Variants in TNRC6B observed in about 807,000 individuals in gnomAD.
The protein encoded by TNRC6B is trinucleotide repeat-containing gene 6B protein.
Under a neutral mutation model 203.6 loss-of-function variants are expected in TNRC6B, and 52 were observed. The ratio of observed to expected loss-of-function variants is 0.26; its 90% confidence interval spans 0.20 to 0.32. TNRC6B has a LOEUF of 0.32. Ranked by LOEUF, TNRC6B falls within the 10% of genes least tolerant of loss-of-function variation. The pLI, the probability that TNRC6B is intolerant of heterozygous loss-of-function variation, is 1.00. For synonymous variants in TNRC6B, 838 were observed against 845.7 expected (o/e 0.99, Z 0.16); for missense variants, 1,923 against 2,286.2 (o/e 0.84, Z 3.24).
intron 3 of TNRC6B, among the ~76,000 whole-genome samples, chr22:40,144,970 G>C (rs1178339777): frequency 6.7e-6 from 1 of 149,706 alleles, no homozygotes; most frequent in Non-Finnish European, 1.5e-5. Flanking sequence ...AGTAGCTCAT[G>C]CCTGTAATCC....
chr22:40,045,190 G>A (rs1331028386), intron 1 of TNRC6B, among the ~76,000 whole-genome samples: 5 of 145,294 alleles, frequency 3.4e-5, no homozygotes, highest in Non-Finnish European at 7.7e-5. Flanking sequence ...CGGGGAGGGG[G>A]CGTGAGCGCG....
At chr22:40,270,930 A>G (rs1410728421) in intron 6 of TNRC6B, among the ~76,000 whole-genome samples, 1 of 152,228 alleles carries the variant, frequency 6.6e-6, no homozygotes, top group Admixed American at 6.5e-5. Context: ...ATAATTTAAA[A>G]CAAGAGTTCC....
chr22:40,095,784 A>G (rs1350673387), intron 1 of TNRC6B, among the ~76,000 whole-genome samples: 1 of 151,658 alleles, frequency 6.6e-6, no homozygotes, highest in African/African-American at 2.4e-5. Flanking sequence ...GCCAACATTC[A>G]CTGAATACCT....
chr22:40,284,280 T>C (rs1236287652), intron 11 of TNRC6B, among the ~76,000 whole-genome samples: 1 of 152,250 alleles, frequency 6.6e-6, no homozygotes, highest in East Asian at 1.9e-4. Flanking sequence ...GCTTTTAAGT[T>C]CACTAATTTC....
At chr22:40,240,538 C>CT (rs1356043461) in intron 1 of TNRC6B, among the ~76,000 whole-genome samples, 1 of 152,204 alleles carries the variant, frequency 6.6e-6, no homozygotes, top group Admixed American at 6.5e-5. Context: ...TACCTGGAAG[C>CT]TGGGTGCACC....
chr22:40,232,077 G>A (rs1312151636), intron 1 of TNRC6B, among the ~76,000 whole-genome samples: 2 of 152,186 alleles, frequency 1.3e-5, no homozygotes, highest in Non-Finnish European at 2.9e-5. Flanking sequence ...GGCACTGACG[G>A]TATTAATAGA....
chr22:40,145,104 G>T (rs912952595), intron 3 of TNRC6B, among the ~76,000 whole-genome samples: 11 of 151,536 alleles, frequency 7.3e-5, no homozygotes, highest in Admixed American at 5.9e-4. Context: ...TAATTAGCTG[G>T]GTGTGCTGGC....
intron 15 of TNRC6B, among the ~76,000 whole-genome samples, chr22:40,307,359 G>A (rs1447595544): frequency 1.3e-5 from 2 of 152,190 alleles, no homozygotes; most frequent in Non-Finnish European, 2.9e-5. Context: ...GCCGTGGTGG[G>A]AGGCTTGCTC....
chr22:40,241,796 A>G (rs1478048882), intron 1 of TNRC6B, among the ~76,000 whole-genome samples: 1 of 152,086 alleles, frequency 6.6e-6, no homozygotes, highest in African/African-American at 2.4e-5. Flanking sequence ...TCCTCATTTC[A>G]ATTTATTCAT....
chr22:40,144,251 A>G (rs1201423232), intron 3 of TNRC6B, among the ~76,000 whole-genome samples: 3 of 152,248 alleles, frequency 2.0e-5, no homozygotes, highest in Non-Finnish European at 4.4e-5. Context: ...TAGATTTGCA[A>G]AAACACATTA....
At chr22:40,199,566 C>G (rs888468938) in intron 1 of TNRC6B, among the ~76,000 whole-genome samples, 3 of 152,038 alleles carry the variant, frequency 2.0e-5, no homozygotes, top group Admixed American at 1.3e-4. Context: ...TCATGAAAGT[C>G]AAAGCAAGAC....
At chr22:40,071,981 A>G (rs1373230035) in intron 1 of TNRC6B, among the ~76,000 whole-genome samples, 1 of 152,152 alleles carries the variant, frequency 6.6e-6, no homozygotes, top group Non-Finnish European at 1.5e-5. Flanking sequence ...AGCCTTTTGG[A>G]AAGCTGAGAC....
At chr22:40,185,397 T>C (rs1216104170) in intron 1 of TNRC6B, among the ~76,000 whole-genome samples, 2 of 152,186 alleles carry the variant, frequency 1.3e-5, no homozygotes, top group Non-Finnish European at 2.9e-5. Flanking sequence ...ACTGTACTAT[T>C]TTATAAAGAT....
At chr22:40,048,229 A>C (rs2067709566) in intron 1 of TNRC6B, among the ~76,000 whole-genome samples, 2 of 152,168 alleles carry the variant, frequency 1.3e-5, no homozygotes, top group Non-Finnish European at 2.9e-5. Context: ...CAAGGTTGCC[A>C]ATTACCTAGT....
At position 40,265,369 on chromosome 22, in the gene TNRC6B, C is replaced by A. The variant is rs2070462041; in HGVS notation, c.1139C>A (p.Ser380Tyr). 6.2e-7 allele frequency: 1 copy of A among 1,613,968 alleles called. No individual in the cohort carries two copies. Among genetic ancestry groups the A allele is most frequent in the Non-Finnish European group, 8.5e-7 (1 of 1,179,886 alleles). Residue 380 changes from serine to tyrosine, a missense_variant, in exon 5 of 23, where the codon TCC (serine) becomes TAC (tyrosine). Physicochemically the swap from Ser to Tyr is moderately radical, Grantham distance 144 (BLOSUM62 -2). Transcript: ENST00000454349. ...GGACCAAAAAATGGAAACACTAACT[C>A]CTTGAACTTAAGTTCACCAAACCCC... ...TDGPKNGNTN[S>Y]LNLSSPNPME...
chr22:40,242,179 A>AGTGTGTGTGTGT (rs58498001), intron 1 of TNRC6B, among the ~76,000 whole-genome samples: 1 of 149,446 alleles, frequency 6.7e-6, no homozygotes, highest in Non-Finnish European at 1.5e-5. Context: ...AGGGAATAAG[A>AGTGTGTGTGTGT]GTGTGTGTGT....
At chr22:40,237,057 C>T (rs536536247) in intron 1 of TNRC6B, among the ~76,000 whole-genome samples, 74 of 152,186 alleles carry the variant, frequency 4.9e-4, no homozygotes, top group African/African-American at 1.5e-3. Context: ...CCCAGCTACT[C>T]GGGAGGCTGA....
chr22:40,271,928 T>A (rs2070568999), intron 6 of TNRC6B, among the ~76,000 whole-genome samples: 1 of 152,228 alleles, frequency 6.6e-6, no homozygotes. Context: ...TTATGAATCC[T>A]ATGATTAAAA....
intron 1 of TNRC6B, among the ~76,000 whole-genome samples, chr22:40,226,385 C>T (rs1462774731): frequency 2.0e-5 from 3 of 151,952 alleles, no homozygotes; most frequent in Non-Finnish European, 4.4e-5. Context: ...TTCCAGGATT[C>T]GAATAACAGA....
Sources: allele counts gnomAD v4.1 joint callset (sites outside exome capture counted in the v4.1 genomes callset), GRCh38; gene constraint gnomAD v4.1.1; transcripts MANE v1.5; gene names NCBI Gene and HGNC (gene_info 2026-07-23, HGNC 2026-07-21).